Variants in DMXL2 observed in about 807,000 individuals in gnomAD.
The protein encoded by DMXL2 is Dmx like 2, also known as dmX-like protein 2.
In DMXL2, 103 loss-of-function variants were observed where a neutral mutation model predicts 331.1. That is an observed-to-expected ratio of 0.31 (90% CI 0.27 to 0.37). The LOEUF is 0.37. DMXL2 is among the 10% of genes least tolerant of loss of function. DMXL2 has a pLI of 1.00. For missense variants in DMXL2, 3,171 were observed against 3,642.9 expected (o/e 0.87, Z 3.33); for synonymous variants, 1,281 against 1,252.1 (o/e 1.02, Z -0.49).
At chr15:51,621,812 TA>T (rs751497993) in intron 1 of DMXL2, among the ~76,000 whole-genome samples, 8 of 147,460 alleles carry the variant, frequency 5.4e-5, no homozygotes, top group Non-Finnish European at 1.0e-4. Flanking sequence ...GACCTCCTGA[TA>T]AATGAGACAG....
chr15:51,468,347 A>G (rs2040788353), intron 29 of DMXL2, among the ~76,000 whole-genome samples: 2 of 152,242 alleles, frequency 1.3e-5, no homozygotes, highest in Admixed American at 1.3e-4. Flanking sequence ...TAGTGGAATA[A>G]TCTCAAAAAG....
chr15:51,470,513 G>A (rs1469076944), intron 29 of DMXL2, among the ~76,000 whole-genome samples: 7 of 152,106 alleles, frequency 4.6e-5, no homozygotes, highest in East Asian at 1.9e-4. Context: ...ACAAAAAAAC[G>A]GAGCGGGATC....
At chr15:51,452,542 G>A (rs1461775915) in intron 41 of DMXL2, among the ~76,000 whole-genome samples, 2 of 152,060 alleles carry the variant, frequency 1.3e-5, no homozygotes, top group Non-Finnish European at 2.9e-5. Flanking sequence ...ACTCCAATAC[G>A]ATACCACCTT....
intron 1 of DMXL2, among the ~76,000 whole-genome samples, chr15:51,607,611 G>T (rs1190531805): frequency 1.3e-5 from 2 of 152,140 alleles, no homozygotes; most frequent in Admixed American, 6.5e-5. Context: ...TTCAATAAAT[G>T]ATGAAAGATA....
At chr15:51,593,922 A>C (rs1191689573) in intron 1 of DMXL2, among the ~76,000 whole-genome samples, 3 of 152,270 alleles carry the variant, frequency 2.0e-5, no homozygotes, top group Non-Finnish European at 4.4e-5. Flanking sequence ...AGCAGTGTGT[A>C]GAGGGAAATT....
intron 29 of DMXL2, among the ~76,000 whole-genome samples, chr15:51,468,840 T>C (rs2040834486): frequency 6.6e-6 from 1 of 152,174 alleles, no homozygotes; most frequent in South Asian, 2.1e-4. Flanking sequence ...GATTTAATTT[T>C]CACTTGACAA....
intron 2 of DMXL2, among the ~76,000 whole-genome samples, chr15:51,571,632 C>G (rs1308636164): frequency 6.6e-6 from 1 of 152,212 alleles, no homozygotes; most frequent in Non-Finnish European, 1.5e-5. Flanking sequence ...TTAAGAAATT[C>G]ACTCAAAACC....
chr15:51,553,089 C>G (rs1486946020), intron 6 of DMXL2, among the ~76,000 whole-genome samples: 2 of 152,232 alleles, frequency 1.3e-5, no homozygotes, highest in Non-Finnish European at 2.9e-5. Flanking sequence ...CTCACTCTAA[C>G]AGACACCCAA....
chr15:51,501,469 T>C (rs375463601), intron 17 of DMXL2, among the ~76,000 whole-genome samples: 25 of 152,282 alleles, frequency 1.6e-4, no homozygotes, highest in African/African-American at 6.0e-4. Flanking sequence ...CAACTGTTGT[T>C]CAAACATTCT....
At position 51,499,080 on chromosome 15, in the gene DMXL2, C is replaced by A; in HGVS notation, c.4144G>T (p.Val1382Phe). 1 of 1,614,012 alleles carries A rather than the reference C, an allele frequency of 6.2e-7. No individual in the cohort carries two copies. The highest frequency in any genetic ancestry group is 8.5e-7 in the Non-Finnish European group (1 of 1,180,020). The change falls in exon 18 of 44, where the codon GTT becomes TTT. Residue 1382 changes from valine to phenylalanine, a missense_variant. This residue lies in a region of DMXL2 where 1,674 missense variants were observed against 1,780.2 expected (regional missense o/e 0.94). Coordinates refer to ENST00000560891, the MANE Select transcript of DMXL2 (RefSeq NM_001378457.1). ...VKCIAGEVAI[V>F]RDPDAGEGTK... is the part of the protein sequence containing the mutation. Reference sequence around the variant, plus strand: ...CCTTCTCCAGCATCAGGATCTCTAACTATTGCTACTTCACCTGCAATACAT... The same window carrying A: ...CCTTCTCCAGCATCAGGATCTCTAAATATTGCTACTTCACCTGCAATACAT...
At chr15:51,594,237 C>T (rs553642994) in intron 1 of DMXL2, among the ~76,000 whole-genome samples, 1 of 152,138 alleles carries the variant, frequency 6.6e-6, no homozygotes, top group Non-Finnish European at 1.5e-5. Context: ...GGGGATATCA[C>T]CACTGATCCC....
chr15:51,534,503 C>A (rs1249978207), intron 13 of DMXL2, among the ~76,000 whole-genome samples: 1 of 152,186 alleles, frequency 6.6e-6, no homozygotes, highest in East Asian at 1.9e-4. Context: ...ATAGAATGAG[C>A]TGCATTTAGA....
Position 51,498,991 on chromosome 15 carries a change from G to T in DMXL2, c.4233C>A (p.Thr1411=). 1 of 1,613,904 alleles carries T rather than the reference G, an allele frequency of 6.2e-7. No individual in the cohort carries two copies. The highest frequency in any genetic ancestry group is 8.5e-7 in the Non-Finnish European group (1 of 1,180,002). The stretch of plus-strand genomic sequence containing the variant: ...AATCTCGAGTACCATCTTTTCCTAC[G>T]GTGACTGTTTCCTTTGCTGTACTGC... ...VSGSTAKETV[T]VGKDGTRDYT... is the part of the protein sequence containing the mutation. Residue 1411 remains threonine (T), a synonymous_variant, in exon 18 of 44, where the codon ACC becomes ACA. Transcript: ENST00000560891.
chr15:51,465,719 T>C, intron 30 of DMXL2, 68 bp from the exon 31 acceptor site: 1 of 1,174,136 alleles, frequency 8.5e-7, no homozygotes, highest in Non-Finnish European at 1.2e-6. Flanking sequence ...AGAGTGGTGT[T>C]CCCTGCCAAC....
chr15:51,457,453 C>T lies in DMXL2; in HGVS notation c.8212G>A (p.Asp2738Asn). ...AGAGTTGTAGTGGAACCACGATAAT[C>T]AACATCATCTGAACTGTGAAAAACA... ...DRESKSSDDV[D>N]YRGSTTTLYQ... The change falls in exon 37 of 44, where the codon GAT becomes AAT. Residue 2738 changes from aspartate to asparagine, a missense_variant. Around this residue, in one of 7 missense-constraint regions of DMXL2, gnomAD observed 766 missense variants for 940.5 expected, o/e 0.81. Transcript: ENST00000560891. The T allele has an allele frequency of 6.2e-7, 1 of 1,614,118 alleles. No individual in the cohort carries two copies. Among genetic ancestry groups the T allele is most frequent in the Non-Finnish European group, 8.5e-7 (1 of 1,179,992 alleles).
At chr15:51,478,710 C>T (rs1413168460) in intron 25 of DMXL2, among the ~76,000 whole-genome samples, 1 of 152,030 alleles carries the variant, frequency 6.6e-6, no homozygotes, top group Non-Finnish European at 1.5e-5. Context: ...ATAGAATTTT[C>T]AGAGTTTTTA....
chr15:51,563,356 C>T lies in DMXL2; in HGVS notation c.567+25G>A, dbSNP rs200890286. On this transcript the variant is annotated intron_variant, in intron 6 of 43. Transcript: ENST00000560891. ...TTTAAATTCTTTTATTTGTTTATTT[C>T]GTATGTTTTTGTTTGATCCTTTACC... The T allele has an allele frequency of 3.8e-5, 58 of 1,524,188 alleles. No homozygotes were observed. In the East Asian group the frequency reaches 8.9e-4, roughly 23 times the overall value. The allele number at this position is 1,524,188 out of a possible 1,614,324, so 94.4% of individuals were successfully genotyped here. A position where few individuals can be genotyped will look rare whatever the true frequency, so the allele number is the denominator to read the frequency against.
At chr15:51,536,082 T>C in intron 12 of DMXL2, 84 bp downstream of exon 12, 2 of 1,235,542 alleles carry the variant, frequency 1.6e-6, no homozygotes, top group Non-Finnish European at 2.2e-6. Flanking sequence ...AAAATCTTAA[T>C]GACAACAAAT....
intron 3 of DMXL2, among the ~76,000 whole-genome samples, chr15:51,565,492 T>C (rs2050212148): frequency 6.6e-6 from 1 of 152,206 alleles, no homozygotes; most frequent in South Asian, 2.1e-4. Context: ...ATCCTTCCAC[T>C]AAGATTAGCT....
Sources: allele counts gnomAD v4.1 joint callset (sites outside exome capture counted in the v4.1 genomes callset), GRCh38; gene constraint gnomAD v4.1.1; regional missense constraint gnomAD v4.1.1; transcripts MANE v1.5; gene names NCBI Gene and HGNC (gene_info 2026-07-23, HGNC 2026-07-21).